Variants in GPC5 observed in about 807,000 individuals in gnomAD.
GPC5 encodes the protein glypican-5.
A neutral mutation model predicts 53.9 loss-of-function variants in GPC5; 47 were observed. The observed-to-expected ratio is 0.87, with a 90% CI of 0.69 to 1.11. The LOEUF (loss-of-function observed/expected upper bound fraction) is 1.11. GPC5 is among the 50% of genes most tolerant of loss of function. The probability of loss-of-function intolerance (pLI) is 0.00; values close to 1 mark genes in which losing one functional copy is unlikely to be tolerated. For synonymous variants in GPC5, 286 were observed against 263.3 expected, an observed-to-expected ratio of 1.09 and a Z score of -0.84; for missense variants, 748 against 713.1, an observed-to-expected ratio of 1.05 and a Z score of -0.56.
chr13:91,416,517 T>C (rs1398479476), intron 1 of GPC5, among the ~76,000 whole-genome samples: 3 of 151,944 alleles, frequency 2.0e-5, no homozygotes, highest in African/African-American at 7.3e-5. Flanking sequence ...GTGTAGGTTT[T>C]TTACATATGT....
chr13:91,450,670 C>A (rs1426509127), intron 2 of GPC5, among the ~76,000 whole-genome samples: 46 of 152,028 alleles, frequency 3.0e-4, no homozygotes, highest in Admixed American at 3.0e-3. Flanking sequence ...TTTATGTAAA[C>A]CTTTGTTTTC....
At chr13:91,870,764 T>C (rs147491124) in intron 5 of GPC5, among the ~76,000 whole-genome samples, 54 of 152,374 alleles carry the variant, frequency 3.5e-4, no homozygotes, top group African/African-American at 1.2e-3. Context: ...ATATTTGAGT[T>C]ATTTTTTTCT....
At chr13:91,646,764 G>A (rs1248467639) in intron 2 of GPC5, among the ~76,000 whole-genome samples, 1 of 152,034 alleles carries the variant, frequency 6.6e-6, no homozygotes, top group East Asian at 1.9e-4. Flanking sequence ...ACATGATCTA[G>A]GTGTTTGGGA....
intron 7 of GPC5, among the ~76,000 whole-genome samples, chr13:92,665,790 C>A (rs780454438): frequency 6.6e-6 from 1 of 152,092 alleles, no homozygotes; most frequent in Non-Finnish European, 1.5e-5. Flanking sequence ...AGGCTTATAC[C>A]AAATGCCTTA....
intron 7 of GPC5, among the ~76,000 whole-genome samples, chr13:92,827,743 T>TA (rs946889473): frequency 6.6e-6 from 1 of 152,048 alleles, no homozygotes; most frequent in African/African-American, 2.4e-5. Flanking sequence ...AAAGCCCTGA[T>TA]TGGGAAGTCA....
Position 91,526,483 on chromosome 13 carries a change from T to C in GPC5, c.325+77561T>C, listed in dbSNP as rs572938482. Among the ~76,000 whole-genome samples, 6 of 152,322 alleles carry C rather than the reference T, an allele frequency of 3.9e-5. No homozygotes were observed. In the South Asian group the frequency reaches 8.3e-4, roughly 21 times the overall value. ...AACAGGTATCAGAAGTGGAATACTG[T>C]CTCAAAAACTGGTTAGAGAGAACTA... On this transcript the variant is annotated intron_variant, in intron 2 of 7. Coordinates refer to ENST00000377067, the MANE Select transcript of GPC5 (RefSeq NM_004466.6).
chr13:91,810,791 A>G (rs1355151372), intron 5 of GPC5, among the ~76,000 whole-genome samples: 1 of 151,954 alleles, frequency 6.6e-6, no homozygotes, highest in Non-Finnish European at 1.5e-5. Context: ...CAGATGTTAT[A>G]GTAAAACATT....
chr13:92,078,089 T>A (rs1341663544), intron 6 of GPC5, among the ~76,000 whole-genome samples: 1 of 152,040 alleles, frequency 6.6e-6, no homozygotes, highest in Non-Finnish European at 1.5e-5. Flanking sequence ...TATACCTAAG[T>A]ATGAGAGAGA....
intron 6 of GPC5, among the ~76,000 whole-genome samples, chr13:91,954,525 C>A (rs950841531): frequency 1.5e-5 from 2 of 137,894 alleles, no homozygotes; most frequent in Non-Finnish European, 3.1e-5. Flanking sequence ...AGAAACATAA[C>A]AATATTTGAT....
At chr13:91,459,472 A>C (rs1043947097) in intron 2 of GPC5, among the ~76,000 whole-genome samples, 2 of 119,476 alleles carry the variant, frequency 1.7e-5, no homozygotes. Context: ...TAGTAAGAAA[A>C]GAATTGAAGC....
Position 92,361,268 on chromosome 13 carries a change from G to A in GPC5, c.1561+216279G>A, listed in dbSNP as rs578149034. The stretch of plus-strand genomic sequence containing the variant: ...CACAGCTTGAAACATCTTGTGGGTC[G>A]GGTTGGGGGGACCTGTGAATTAGAG... On this transcript the variant is annotated intron_variant, in intron 7 of 7. Transcript: ENST00000377067. Among the ~76,000 whole-genome samples, 11 of 151,724 alleles carry A rather than the reference G, an allele frequency of 7.3e-5. No individual in the cohort carries two copies. The South Asian group carries it at 8.3e-4, about 11-fold the overall frequency.
At chr13:92,471,223 C>G (rs1027056010) in intron 7 of GPC5, among the ~76,000 whole-genome samples, 1 of 152,088 alleles carries the variant, frequency 6.6e-6, no homozygotes, top group Non-Finnish European at 1.5e-5. Flanking sequence ...ATTAGTTTGT[C>G]TGTATTTCTT....
chr13:92,083,007 C>T (rs1444993702), intron 6 of GPC5, among the ~76,000 whole-genome samples: 2 of 152,106 alleles, frequency 1.3e-5, no homozygotes, highest in African/African-American at 2.4e-5. Flanking sequence ...GTGAACAGAG[C>T]TTATAAATAC....
At chr13:91,883,074 A>G (rs1402865630) in intron 5 of GPC5, among the ~76,000 whole-genome samples, 1 of 152,174 alleles carries the variant, frequency 6.6e-6, no homozygotes, top group Non-Finnish European at 1.5e-5. Context: ...TCACATCATT[A>G]ACTAGGGTGA....
intron 4 of GPC5, among the ~76,000 whole-genome samples, chr13:91,746,130 C>T (rs1172370623): frequency 2.6e-5 from 4 of 152,168 alleles, no homozygotes; most frequent in Non-Finnish European, 5.9e-5. Context: ...AGGAGACTGA[C>T]ATTTTAAACG....
intron 6 of GPC5, among the ~76,000 whole-genome samples, chr13:91,966,719 C>A (rs376623858): frequency 6.6e-6 from 1 of 152,076 alleles, no homozygotes; most frequent in Non-Finnish European, 1.5e-5. Context: ...TGCATTCATG[C>A]ATTGATCATG....
At chr13:92,580,809 G>T (rs1187495505) in intron 7 of GPC5, among the ~76,000 whole-genome samples, 1 of 152,116 alleles carries the variant, frequency 6.6e-6, no homozygotes, top group African/African-American at 2.4e-5. Context: ...TCACCTCCAT[G>T]ATCCAGTCAC....
rs1876398288 is a variant in GPC5 at position 92,418,157 on chromosome 13, G to A, written c.1561+273168G>A. 2.0e-5 allele frequency among the ~76,000 whole-genome samples: 3 copies of A among 152,266 alleles called. No individual in the cohort carries two copies. The South Asian group carries it at 6.2e-4, about 32-fold the overall frequency. ...CCAAAAGCCAGGAATGGATGGCTGG[G>A]ATGTGGGAAAGATAATGAGTGACTG... On this transcript the variant is annotated intron_variant, in intron 7 of 7. Transcript: ENST00000377067.
Position 92,275,157 on chromosome 13 carries a change from G to T in GPC5, c.1561+130168G>T, listed in dbSNP as rs370147375. On this transcript the variant is annotated intron_variant, in intron 7 of 7. Transcript: ENST00000377067. ...TTTCAAAATATTTTCATAAAACATG[G>T]TCAGTTAAGCTAAAAATCAAAACAA... is the stretch of plus-strand genomic sequence containing the variant. Among the ~76,000 whole-genome samples the T allele has an allele frequency of 2.4e-4, 37 of 151,876 alleles. No homozygotes were observed. The East Asian group carries it at 4.3e-3, about 17-fold the overall frequency.
Sources: gnomAD v4.1 joint callset for allele counts (sites outside exome capture counted in the v4.1 genomes callset) on GRCh38, gnomAD v4.1.1 for gene constraint, MANE v1.5 for transcripts, NCBI Gene and HGNC (gene_info 2026-07-23, HGNC 2026-07-21) for gene names.